The following TMTC2 variants were observed in gnomAD, a reference collection of about 807,000 sequenced individuals.
The protein encoded by TMTC2 is transmembrane O-mannosyltransferase targeting cadherins 2.
Under a neutral mutation model 82.4 loss-of-function variants are expected in TMTC2, and 43 were observed. That is an observed-to-expected ratio of 0.52 (90% CI 0.41 to 0.67). The LOEUF is 0.67. Ranked by LOEUF, TMTC2 falls within the 30% of genes least tolerant of loss-of-function variation. The probability of loss-of-function intolerance (pLI) is 0.00; values close to 1 mark genes in which losing one functional copy is unlikely to be tolerated. For synonymous variants in TMTC2, 408 were observed against 381.9 expected (o/e 1.07, Z -0.80); for missense variants, 919 against 1,012.4 (o/e 0.91, Z 1.25).
intron 1 of TMTC2, among the ~76,000 whole-genome samples, chr12:82,832,325 G>A (rs1869791564): frequency 6.7e-6 from 1 of 150,294 alleles, no homozygotes; most frequent in Admixed American, 6.6e-5. Flanking sequence ...CCCTTCCACA[G>A]CTAGACTTTA....
At chr12:82,963,362 T>C (rs1024987413) in intron 4 of TMTC2, among the ~76,000 whole-genome samples, 2 of 151,972 alleles carry the variant, frequency 1.3e-5, no homozygotes, top group African/African-American at 4.8e-5. Flanking sequence ...AGGATTTTAA[T>C]TTCTAAAGAA....
chr12:82,745,268 GAGATGGAC>G (rs1308378840), intron 1 of TMTC2, among the ~76,000 whole-genome samples: 1 of 152,098 alleles, frequency 6.6e-6, no homozygotes, highest in African/African-American at 2.4e-5. Context: ...GGCTGTTCTG[GAGATGGAC>G]AGATAACAGT....
chr12:82,789,100 T>C (rs1328132068), intron 1 of TMTC2, among the ~76,000 whole-genome samples: 1 of 152,214 alleles, frequency 6.6e-6, no homozygotes, highest in African/African-American at 2.4e-5. Flanking sequence ...GTAATACTTT[T>C]TTGATTCGGC....
chr12:82,903,461 G>T (rs1703103), intron 3 of TMTC2, among the ~76,000 whole-genome samples: 4,599 of 152,242 alleles, frequency 0.03, 250 homozygotes, highest in African/African-American at 0.11. Context: ...GCCCAGGCTG[G>T]AGTGCAGTGG....
intron 7 of TMTC2, among the ~76,000 whole-genome samples, chr12:82,978,161 A>C (rs1398322321): frequency 6.6e-6 from 1 of 151,782 alleles, no homozygotes; most frequent in Non-Finnish European, 1.5e-5. Context: ...TGGAATAACC[A>C]AGACTTGATC....
At chr12:82,730,975 A>G (rs1874773449) in intron 1 of TMTC2, among the ~76,000 whole-genome samples, 1 of 152,256 alleles carries the variant, frequency 6.6e-6, no homozygotes, top group South Asian at 2.1e-4. Flanking sequence ...AGCTATTTCT[A>G]GTAGCTTGTG....
chr12:83,122,831 C>T (rs1478703959), intron 11 of TMTC2, among the ~76,000 whole-genome samples: 1 of 152,178 alleles, frequency 6.6e-6, no homozygotes, highest in Non-Finnish European at 1.5e-5. Context: ...CAATCTAGTC[C>T]TGCCTCCCGT....
At chr12:82,789,141 C>G (rs183558658) in intron 1 of TMTC2, among the ~76,000 whole-genome samples, 120 of 152,234 alleles carry the variant, frequency 7.9e-4, no homozygotes, top group African/African-American at 2.6e-3. Context: ...CCTCAAGTCT[C>G]CAGATTCACG....
At chr12:82,885,136 C>T (rs1201044141) in intron 2 of TMTC2, among the ~76,000 whole-genome samples, 2 of 151,106 alleles carry the variant, frequency 1.3e-5, no homozygotes, top group African/African-American at 4.9e-5. Context: ...CTCCTGAACT[C>T]AAGTAATCCT....
chr12:82,814,437 A>G (rs962890152), intron 1 of TMTC2, among the ~76,000 whole-genome samples: 2 of 152,174 alleles, frequency 1.3e-5, no homozygotes, highest in Admixed American at 1.3e-4. Flanking sequence ...AATACAAGAT[A>G]GGAAAAAGAT....
At chr12:82,907,923 C>T (rs1211047878) in intron 3 of TMTC2, among the ~76,000 whole-genome samples, 1 of 151,930 alleles carries the variant, frequency 6.6e-6, no homozygotes, top group East Asian at 1.9e-4. Flanking sequence ...ACCAGCCTGG[C>T]CAATATGGTG....
chr12:83,108,546 C>T (rs1884494074), intron 11 of TMTC2, among the ~76,000 whole-genome samples: 1 of 151,852 alleles, frequency 6.6e-6, no homozygotes. Context: ...AGGAGAATCA[C>T]TTGAACCCAG....
At chr12:82,906,414 C>G (rs1183377993) in intron 3 of TMTC2, among the ~76,000 whole-genome samples, 1 of 152,136 alleles carries the variant, frequency 6.6e-6, no homozygotes, top group African/African-American at 2.4e-5. Context: ...TCTGTAATCC[C>G]AGCACTTTGG....
chr12:83,029,667 C>T (rs1004728906), intron 8 of TMTC2, among the ~76,000 whole-genome samples: 1 of 152,122 alleles, frequency 6.6e-6, no homozygotes, highest in African/African-American at 2.4e-5. Context: ...TATCTTCATC[C>T]CAGCCATGCC....
intron 7 of TMTC2, among the ~76,000 whole-genome samples, chr12:82,981,297 A>G (rs1488242106): frequency 6.6e-6 from 1 of 151,900 alleles, no homozygotes; most frequent in East Asian, 1.9e-4. Flanking sequence ...GTAATTTGAA[A>G]CATAAGAGTC....
intron 2 of TMTC2, among the ~76,000 whole-genome samples, chr12:82,892,342 A>G (rs7307597): frequency 0.013 from 1,935 of 152,262 alleles, 42 homozygotes; most frequent in African/African-American, 0.044. Flanking sequence ...TTAACATTCA[A>G]TAGTTTTCAT....
chr12:82,753,962 A>C (rs1876159100), intron 1 of TMTC2, among the ~76,000 whole-genome samples: 1 of 152,212 alleles, frequency 6.6e-6, no homozygotes, highest in African/African-American at 2.4e-5. Flanking sequence ...ACGTTTTTCC[A>C]GGCATTGGGG....
Position 82,687,429 on chromosome 12 carries a change from C to G in TMTC2, c.-158C>G. 1 of 645,872 alleles carries G rather than the reference C, an allele frequency of 1.5e-6. No individual in the cohort carries two copies. The highest frequency in any genetic ancestry group is 2.6e-6 in the Non-Finnish European group (1 of 380,724). The allele number at this position is 645,872 out of a possible 1,614,324, so 40.0% of individuals were successfully genotyped here. A position where few individuals can be genotyped will look rare whatever the true frequency, so the allele number is the denominator to read the frequency against. ...CGGGCGCGAGGAGGAGGAGAGGAGT[C>G]GTGGATTGGAAGGACCCGAGGGAGG... is the stretch of plus-strand genomic sequence containing the variant. On this transcript the variant is annotated 5_prime_UTR_variant, in exon 1 of 12. Coordinates refer to ENST00000321196, the MANE Select transcript of TMTC2 (RefSeq NM_152588.3).
intron 11 of TMTC2, among the ~76,000 whole-genome samples, chr12:83,109,983 A>G (rs1296878765): frequency 6.6e-6 from 1 of 152,184 alleles, no homozygotes; most frequent in Non-Finnish European, 1.5e-5. Context: ...ATTGTACCTC[A>G]ACATTTTTCT....
Sources: gnomAD v4.1 joint callset for allele counts (sites outside exome capture counted in the v4.1 genomes callset) on GRCh38, gnomAD v4.1.1 for gene constraint, MANE v1.5 for transcripts, NCBI Gene and HGNC (gene_info 2026-07-23, HGNC 2026-07-21) for gene names.